ADAMTS20: variants seen among roughly 807,000 people sequenced by gnomAD.
ADAMTS20 encodes ADAM metallopeptidase with thrombospondin type 1 motif 20.
Under a neutral mutation model 260.1 loss-of-function variants are expected in ADAMTS20, and 225 were observed. The observed-to-expected ratio is 0.87, with a 90% CI of 0.78 to 0.97. The LOEUF is 0.97. Among genes scored for constraint, ADAMTS20 ranks in the 50% least tolerant of loss-of-function variants. ADAMTS20 has a pLI of 0.00. For missense variants in ADAMTS20, 2,400 were observed against 2,337.7 expected (o/e 1.03, Z -0.55); for synonymous variants, 802 against 769.5 (o/e 1.04, Z -0.70).
chr12:43,360,199 T>C lies in ADAMTS20; in HGVS notation c.5539-3611A>G, dbSNP rs541324173. Among the ~76,000 whole-genome samples, 4 of 152,202 alleles carry C rather than the reference T, an allele frequency of 2.6e-5. No homozygotes were observed. In the East Asian group the frequency reaches 5.8e-4, roughly 22 times the overall value. ...CACGGTGGCTCACGCCTGTAATCCC[T>C]GCACTTTGGGAGGCTGAGGTGGATG... On this transcript the variant is annotated intron_variant, in intron 37 of 38. Transcript: ENST00000389420.
At chr12:43,416,849 A>G (rs1941142547) in intron 28 of ADAMTS20, among the ~76,000 whole-genome samples, 1 of 151,978 alleles carries the variant, frequency 6.6e-6, no homozygotes, top group Non-Finnish European at 1.5e-5. Flanking sequence ...TCTGGTCTCT[A>G]TGGTTTTGCT....
Position 43,383,578 on chromosome 12 carries a change from C to G in ADAMTS20, c.4777G>C (p.Val1593Leu). ...CRNPPCNYIV[V>L]TADSSQCANN... is the part of the protein sequence containing the mutation. The stretch of plus-strand genomic sequence containing the variant: ...CTTACCTGTGATGAGTCTGCTGTTA[C>G]CACAATGTAATTGCAAGGAGGGTTC... Residue 1593 changes from valine (V) to leucine (L), a missense_variant, in exon 31 of 39, where the codon GTA (valine) becomes CTA (leucine). Coordinates refer to ENST00000389420, the MANE Select transcript of ADAMTS20 (RefSeq NM_025003.5). 3 of 1,612,578 alleles carry G rather than the reference C, an allele frequency of 1.9e-6. No homozygotes were observed. The highest frequency in any genetic ancestry group is 1.7e-6 in the Non-Finnish European group (2 of 1,179,192).
chr12:43,543,343 CT>C (rs1332350013), intron 2 of ADAMTS20, among the ~76,000 whole-genome samples: 1 of 152,058 alleles, frequency 6.6e-6, no homozygotes, highest in Non-Finnish European at 1.5e-5. Context: ...AATCAAGGAG[CT>C]CCCCTCCTTC....
At chr12:43,470,946 T>C (rs1942243832) in intron 7 of ADAMTS20, among the ~76,000 whole-genome samples, 1 of 152,214 alleles carries the variant, frequency 6.6e-6, no homozygotes, top group Non-Finnish European at 1.5e-5. Flanking sequence ...TAGTATCTCA[T>C]AGGAAGCATT....
intron 3 of ADAMTS20, among the ~76,000 whole-genome samples, chr12:43,517,904 T>G (rs1440440013): frequency 6.6e-6 from 1 of 152,104 alleles, no homozygotes; most frequent in Non-Finnish European, 1.5e-5. Context: ...ATATGCTAAG[T>G]TTTTAAAATT....
chr12:43,482,714 C>A (rs1194591279), intron 7 of ADAMTS20, among the ~76,000 whole-genome samples: 1 of 152,142 alleles, frequency 6.6e-6, no homozygotes, highest in Non-Finnish European at 1.5e-5. Flanking sequence ...ACACAAAAGA[C>A]AAGGACACTT....
chr12:43,536,463 C>T (rs913868126), intron 2 of ADAMTS20, among the ~76,000 whole-genome samples: 14 of 151,772 alleles, frequency 9.2e-5, no homozygotes, highest in South Asian at 2.1e-4. Flanking sequence ...TGGAAAAAGG[C>T]AACCAATAAA....
At position 43,509,616 on chromosome 12, in the gene ADAMTS20, C is replaced by T. The variant is rs150230761; in HGVS notation, c.614-7211G>A. On this transcript the variant is annotated intron_variant, in intron 3 of 38. Transcript: ENST00000389420. Reference sequence around the variant, plus strand: ...GTCATATATGGGTATAATAACATCACGTAAGAAGAAGAAAGCAAGGAGATG... The same window carrying T: ...GTCATATATGGGTATAATAACATCATGTAAGAAGAAGAAAGCAAGGAGATG... 7.5e-3 allele frequency among the ~76,000 whole-genome samples: 1,139 copies of T among 151,970 alleles called. 17 individuals carry two copies. Among genetic ancestry groups the T allele is most frequent in the African/African-American group, 0.027 (1,101 of 41,448 alleles).
rs772078710 is a variant in ADAMTS20 at position 43,443,836 on chromosome 12, T to C, written c.2245A>G (p.Ile749Val). The C allele has an allele frequency of 4.3e-6, 7 of 1,613,334 alleles. No homozygotes were observed. The African/African-American group carries it at 9.3e-5, about 22-fold the overall frequency. Residue 749 changes from isoleucine to valine, a missense_variant, in exon 16 of 39, where the codon ATT (isoleucine) becomes GTT (valine). Coordinates refer to ENST00000389420, the MANE Select transcript of ADAMTS20 (RefSeq NM_025003.5). ...KIPAGATNVD[I>V]RQYSYSGQPD... is the part of the protein sequence containing the mutation. ...TGTCCAGAATAGCTGTACTGACGAA[T>C]GTCAACGTTTGTTGCTCCTGCGGGA...
chr12:43,499,748 C>T (rs1942729985), intron 4 of ADAMTS20, among the ~76,000 whole-genome samples: 1 of 152,118 alleles, frequency 6.6e-6, no homozygotes, highest in Admixed American at 6.5e-5. Flanking sequence ...CATGATCCAC[C>T]CACCTTGGCC....
intron 38 of ADAMTS20, among the ~76,000 whole-genome samples, chr12:43,355,816 C>T (rs931677227): frequency 3.9e-5 from 6 of 151,916 alleles, no homozygotes; most frequent in Admixed American, 6.6e-5. Flanking sequence ...GTGGATTCTA[C>T]TTTGGATAAT....
intron 37 of ADAMTS20, 32 bp downstream of exon 37, chr12:43,369,258 G>T: frequency 7.5e-7 from 1 of 1,333,322 alleles, no homozygotes; most frequent in South Asian, 1.8e-5. Context: ...TTTTCACAAA[G>T]AAAGAAAATT....
intron 16 of ADAMTS20, among the ~76,000 whole-genome samples, chr12:43,440,319 T>G (rs1288328734): frequency 2.0e-5 from 3 of 152,088 alleles, no homozygotes; most frequent in Non-Finnish European, 4.4e-5. Flanking sequence ...TGGCTAATTT[T>G]TGTATTTTTA....
At chr12:43,375,298 T>C in intron 36 of ADAMTS20, 81 bp downstream of exon 36, 1 of 1,449,974 alleles carries the variant, frequency 6.9e-7, no homozygotes. Context: ...GTACCCTGGC[T>C]ACAACATATA....
rs1196040662 is a variant in ADAMTS20 at position 43,399,051 on chromosome 12, A to G, written c.4452+15T>C. On this transcript the variant is annotated intron_variant, in intron 29 of 38. Coordinates refer to ENST00000389420, the MANE Select transcript of ADAMTS20 (RefSeq NM_025003.5). ...AAAAAAATACATATATAATTATAAA[A>G]TATACATCATATACCTCATTCCAGC... 1 of 1,354,206 alleles carries G rather than the reference A, an allele frequency of 7.4e-7. No individual in the cohort carries two copies. Among genetic ancestry groups the G allele is most frequent in the South Asian group, 2.0e-5 (1 of 48,812 alleles). The allele number at this position is 1,354,206 out of a possible 1,614,324, so 83.9% of individuals were successfully genotyped here. A position where few individuals can be genotyped will look rare whatever the true frequency, so the allele number is the denominator to read the frequency against.
chr12:43,464,986 A>T (rs1218810411), intron 9 of ADAMTS20, among the ~76,000 whole-genome samples: 1 of 152,144 alleles, frequency 6.6e-6, no homozygotes, highest in East Asian at 1.9e-4. Flanking sequence ...TGGCAATTTT[A>T]AAAAATGATA....
In ADAMTS20 at chr12:43,385,728, T is replaced by C. The variant is rs537545596; in HGVS notation, c.4453-1751A>G. Among the ~76,000 whole-genome samples the C allele has an allele frequency of 7.2e-5, 11 of 152,336 alleles. No homozygotes were observed. In the South Asian group the frequency reaches 2.1e-3, roughly 29 times the overall value. ...AGAATCCTTTCCCCATTGCTTGTTT[T>C]TGTTAAAGATTTGGTCAAAGATCAG... On this transcript the variant is annotated intron_variant, in intron 29 of 38. Coordinates refer to ENST00000389420, the MANE Select transcript of ADAMTS20 (RefSeq NM_025003.5).
At chr12:43,490,686 T>C (rs75419356) in intron 6 of ADAMTS20, among the ~76,000 whole-genome samples, 298 of 152,268 alleles carry the variant, frequency 2.0e-3, no homozygotes, top group African/African-American at 6.8e-3. Flanking sequence ...TGAAAAACTT[T>C]CTATTTTAAA....
At chr12:43,357,106 A>T (rs939974045) in intron 37 of ADAMTS20, among the ~76,000 whole-genome samples, 30 of 152,210 alleles carry the variant, frequency 2.0e-4, no homozygotes, top group Non-Finnish European at 1.5e-5. Context: ...ATTCTTTCCA[A>T]GTGCAGGACC....
Sources: allele counts gnomAD v4.1 joint callset (sites outside exome capture counted in the v4.1 genomes callset), GRCh38; gene constraint gnomAD v4.1.1; transcripts MANE v1.5; gene names NCBI Gene and HGNC (gene_info 2026-07-23, HGNC 2026-07-21).